Variants in PDE3A observed in about 807,000 individuals in gnomAD.
PDE3A encodes cGMP-inhibited 3',5'-cyclic phosphodiesterase 3A.
In PDE3A, 43 loss-of-function variants were observed where a neutral mutation model predicts 98.3. The observed-to-expected ratio is 0.44, with a 90% confidence interval of 0.34 to 0.56. The LOEUF (loss-of-function observed/expected upper bound fraction) is 0.56, where lower values mean the gene tolerates loss of function less well. Ranked by LOEUF, PDE3A falls within the 20% of genes least tolerant of loss-of-function variation. PDE3A has a pLI of 0.01. For missense variants in PDE3A, 1,427 were observed against 1,440.7 expected, an observed-to-expected ratio of 0.99 and a Z score of 0.15; for synonymous variants, 663 against 567.9, an observed-to-expected ratio of 1.17 and a Z score of -2.38.
intron 1 of PDE3A, among the ~76,000 whole-genome samples, chr12:20,466,703 A>G (rs972383261): frequency 1.4e-4 from 22 of 152,234 alleles, no homozygotes; most frequent in Non-Finnish European, 2.6e-4. Flanking sequence ...ATGTGAATAT[A>G]AAAATCACTT....
chr12:20,369,397 C>T lies in PDE3A; in HGVS notation c.113C>T (p.Pro38Leu), dbSNP rs2120474977. ...CACCATCGTGCGGACCCCGCATCGC[C>T]GCGGGACTCGGGCTGCCGTGGCTGC... is the stretch of plus-strand genomic sequence containing the variant. ...DCHHRADPAS[P>L]RDSGCRGCWG... Residue 38 changes from proline (P) to leucine (L), a missense_variant, in exon 1 of 16, where the codon CCG becomes CTG. By Grantham distance (98) the Pro-to-Leu change is moderately conservative. Around this residue, in one of 3 missense-constraint regions of PDE3A, gnomAD observed 1,012 missense variants for 886.5 expected, o/e 1.14. Coordinates refer to ENST00000359062, the MANE Select transcript of PDE3A (RefSeq NM_000921.5). 2 of 1,551,890 alleles carry T rather than the reference C, an allele frequency of 1.3e-6. No homozygotes were observed. The highest frequency in any genetic ancestry group is 1.7e-6 in the Non-Finnish European group (2 of 1,148,376).
intron 13 of PDE3A, 33 bp downstream of exon 13, chr12:20,648,924 T>A (rs954423957): frequency 2.5e-6 from 3 of 1,209,402 alleles, no homozygotes; most frequent in East Asian, 5.0e-5. Context: ...TTCTTTTCTT[T>A]TTCTTTTTTT....
At chr12:20,620,052 G>C (rs1944096440) in intron 4 of PDE3A, among the ~76,000 whole-genome samples, 1 of 152,010 alleles carries the variant, frequency 6.6e-6, no homozygotes, top group African/African-American at 2.4e-5. Context: ...ATTAGCACAT[G>C]TTCTGGTTTG....
intron 6 of PDE3A, among the ~76,000 whole-genome samples, chr12:20,630,515 G>A (rs1173986392): frequency 6.6e-6 from 1 of 152,076 alleles, no homozygotes; most frequent in African/African-American, 2.4e-5. Flanking sequence ...TTGATATTAG[G>A]CATATTTAAT....
chr12:20,385,983 T>A (rs1438882992), intron 1 of PDE3A, among the ~76,000 whole-genome samples: 1 of 69,900 alleles, frequency 1.4e-5, no homozygotes, highest in African/African-American at 5.0e-5. Flanking sequence ...TATTAATATA[T>A]AATATATATA....
At chr12:20,544,715 A>T (rs1043901940) in intron 1 of PDE3A, among the ~76,000 whole-genome samples, 18 of 151,922 alleles carry the variant, frequency 1.2e-4, no homozygotes, top group African/African-American at 4.1e-4. Context: ...GGGTTATGTT[A>T]CATTTCTCCT....
intron 1 of PDE3A, among the ~76,000 whole-genome samples, chr12:20,418,115 C>T (rs1390682086): frequency 1.3e-5 from 2 of 152,072 alleles, no homozygotes; most frequent in African/African-American, 4.8e-5. Context: ...TCCTCCACAA[C>T]AGACTTCTGG....
chr12:20,598,314 C>T (rs1471518937), intron 2 of PDE3A, among the ~76,000 whole-genome samples: 1 of 151,964 alleles, frequency 6.6e-6, no homozygotes, highest in Non-Finnish European at 1.5e-5. Flanking sequence ...TCCTGAGTAG[C>T]TGGGATTACA....
Position 20,688,332 on chromosome 12 carries a change from G to A in PDE3A, c.*8061G>A, listed in dbSNP as rs1383937330. On this transcript the variant is annotated 3_prime_UTR_variant, in exon 16 of 16. Coordinates refer to ENST00000359062, the MANE Select transcript of PDE3A (RefSeq NM_000921.5). ...TTAGGCGACTTAGTGGCGGAGAAAT[G>A]TTTGTAAAAAGTAGAATCTGTACAG... is the stretch of plus-strand genomic sequence containing the variant. 6.6e-6 allele frequency among the ~76,000 whole-genome samples: 1 copy of A among 151,760 alleles called. No individual in the cohort carries two copies. Among genetic ancestry groups the A allele is most frequent in the African/African-American group, 2.4e-5 (1 of 41,360 alleles).
At position 20,680,826 on chromosome 12, in the gene PDE3A, CTGTG is replaced by C. The variant is rs3059415; in HGVS notation, c.*596_*599del. ...TGAATTCTGATACATCCTGCCAACA[CTGTG>C]TGTGTGTGTGTGTGTGTGTGTGTGT... On this transcript the variant is annotated 3_prime_UTR_variant, in exon 16 of 16. Transcript: ENST00000359062. 0.04 allele frequency: 5,567 copies of C among 137,876 alleles called. 117 individuals are homozygous for C. Among genetic ancestry groups the C allele is most frequent in the Middle Eastern group, 0.057 (16 of 280 alleles). The allele number at this position is 137,876 out of a possible 1,614,324, so 8.5% of individuals were successfully genotyped here.
intron 1 of PDE3A, among the ~76,000 whole-genome samples, chr12:20,388,510 C>A (rs575144710): frequency 1.3e-5 from 2 of 152,066 alleles, no homozygotes; most frequent in South Asian, 4.1e-4. Context: ...TCAACTGATA[C>A]ATTGAGAAGA....
intron 1 of PDE3A, among the ~76,000 whole-genome samples, chr12:20,420,013 G>A (rs1451909417): frequency 2.6e-5 from 4 of 151,990 alleles, no homozygotes; most frequent in East Asian, 1.9e-4. Flanking sequence ...GAGCCAAACC[G>A]TATCGAATAT....
intron 1 of PDE3A, among the ~76,000 whole-genome samples, chr12:20,482,220 G>A (rs1945643085): frequency 6.9e-6 from 1 of 145,880 alleles, no homozygotes; most frequent in Non-Finnish European, 1.5e-5. Context: ...AGTATTCATT[G>A]CACACATGTA....
At chr12:20,602,430 A>T (rs1340758649) in intron 2 of PDE3A, among the ~76,000 whole-genome samples, 1 of 152,220 alleles carries the variant, frequency 6.6e-6, no homozygotes, top group Non-Finnish European at 1.5e-5. Flanking sequence ...AGTAGTTAGA[A>T]AATATAAACA....
rs572740163 is a variant in PDE3A, at chr12:20,381,279, T to C, written c.960+11035T>C. Among the ~76,000 whole-genome samples the C allele has an allele frequency of 1.1e-4, 17 of 151,858 alleles. No homozygotes were observed. In the South Asian group the frequency reaches 3.3e-3, roughly 30 times the overall value. The stretch of plus-strand genomic sequence containing the variant: ...AACTAAACACCGATTAAGTAAGTTA[T>C]CTAAAAAATAAAGTGGCATTCAGAT... On this transcript the variant is annotated intron_variant, in intron 1 of 15. Transcript: ENST00000359062.
At chr12:20,463,048 C>T (rs1041194908) in intron 1 of PDE3A, among the ~76,000 whole-genome samples, 2 of 152,140 alleles carry the variant, frequency 1.3e-5, no homozygotes, top group Admixed American at 6.6e-5. Flanking sequence ...GCTGGGATTA[C>T]AGGCATGAAC....
intron 1 of PDE3A, among the ~76,000 whole-genome samples, chr12:20,506,861 T>C (rs895939332): frequency 4.6e-5 from 7 of 152,150 alleles, no homozygotes; most frequent in Middle Eastern, 3.4e-3. Context: ...GTTTCATATA[T>C]GTACAAAATT....
intron 2 of PDE3A, among the ~76,000 whole-genome samples, chr12:20,612,193 G>A (rs1416305404): frequency 1.3e-5 from 2 of 151,786 alleles, no homozygotes; most frequent in African/African-American, 4.8e-5. Flanking sequence ...TTTTGTAAAT[G>A]AAAGTTGTTT....
At chr12:20,602,365 A>G (rs1389028130) in intron 2 of PDE3A, among the ~76,000 whole-genome samples, 1 of 152,204 alleles carries the variant, frequency 6.6e-6, no homozygotes, top group Non-Finnish European at 1.5e-5. Context: ...ATAATAAAAC[A>G]CTATTGTAAA....
Sources: gnomAD v4.1 joint callset for allele counts (sites outside exome capture counted in the v4.1 genomes callset) on GRCh38, gnomAD v4.1.1 for gene constraint, gnomAD v4.1.1 regional missense constraint, MANE v1.5 for transcripts, NCBI Gene and HGNC (gene_info 2026-07-23, HGNC 2026-07-21) for gene names.